MTFR1: variants seen among roughly 807,000 people sequenced by gnomAD.
The protein encoded by MTFR1 is mitochondrial fission regulator 1.
MTFR1 carries 28 observed loss-of-function variants against 38.8 expected under a neutral mutation model. The observed-to-expected ratio is 0.72, with a 90% CI of 0.53 to 0.99. The LOEUF is 0.99. Ranked by LOEUF, MTFR1 falls within the 50% of genes least tolerant of loss-of-function variation. The probability of loss-of-function intolerance (pLI) is 0.00; values close to 1 mark genes in which losing one functional copy is unlikely to be tolerated. For missense variants in MTFR1, 358 were observed against 395.5 expected, an observed-to-expected ratio of 0.91 and a Z score of 0.81; for synonymous variants, 145 against 137.0, an observed-to-expected ratio of 1.06 and a Z score of -0.41.
At chr8:65,710,897 A>ATAGTT (rs1805924390), downstream of MTFR1, among the ~76,000 whole-genome samples, 2 of 152,134 alleles carry the variant, frequency 1.3e-5, no homozygotes, top group East Asian at 1.9e-4. Flanking sequence ...GACCTTAAGA[A>ATAGTT]TAGTTATACC....
chr8:65,667,360 A>G (rs1804413173), intron 1 of MTFR1, among the ~76,000 whole-genome samples: 1 of 150,460 alleles, frequency 6.6e-6, no homozygotes, highest in East Asian at 1.9e-4. Context: ...TTTTTTTTAC[A>G]GCTTTTCAAA....
chr8:65,763,128 A>G (rs1808595750), intron 3 of MTFR1, among the ~76,000 whole-genome samples: 1 of 152,146 alleles, frequency 6.6e-6, no homozygotes, highest in Non-Finnish European at 1.5e-5. Flanking sequence ...TGTTATGTGT[A>G]CAACCAATAT....
intron 1 of MTFR1, among the ~76,000 whole-genome samples, chr8:65,664,762 A>G (rs1300755875): frequency 2.0e-5 from 3 of 150,748 alleles, no homozygotes; most frequent in Non-Finnish European, 3.0e-5. Flanking sequence ...ATACCCGGCT[A>G]TTTTTTGTGG....
the MTFR1 span, among the ~76,000 whole-genome samples, chr8:65,778,120 G>A: frequency 1.3e-5 from 2 of 152,166 alleles, no homozygotes; most frequent in African/African-American, 4.8e-5. Flanking sequence ...GGTTGGGAGA[G>A]GGCTGTGTCT....
intron 1 of MTFR1, among the ~76,000 whole-genome samples, chr8:65,668,534 T>G (rs545393931): frequency 6.7e-6 from 1 of 149,090 alleles, no homozygotes; most frequent in African/African-American, 2.4e-5. Flanking sequence ...TCTTTTTTTT[T>G]TTTTTTTTAA....
In MTFR1 at chr8:65,647,550, TC is replaced by T. The variant is rs888158052; in HGVS notation, c.-81+2768del. Among the ~76,000 whole-genome samples, 57 of 152,336 alleles carry T rather than the reference TC, an allele frequency of 3.7e-4. 1 individual carries two copies. The highest frequency in any genetic ancestry group is 2.7e-3 in the Admixed American group (41 of 15,306). ...GTCTTGAACTCCTGACCTCAGTTGA[TC>T]CAACTGCCTCAGCCTCCTAAAGTGC... On this transcript the variant is annotated intron_variant, in intron 1 of 7. Coordinates refer to ENST00000262146, the MANE Select transcript of MTFR1 (RefSeq NM_014637.4).
intron 3 of MTFR1, chr8:65,723,482 C>G (rs899794669): frequency 1.5e-6 from 2 of 1,336,032 alleles, no homozygotes; most frequent in East Asian, 5.5e-5. Flanking sequence ...ATATATTTCC[C>G]TTCTTGATAA....
At chr8:65,668,522 T>G (rs2129050835) in intron 1 of MTFR1, among the ~76,000 whole-genome samples, 1 of 110,686 alleles carries the variant, frequency 9.0e-6, no homozygotes, top group African/African-American at 2.6e-5. Flanking sequence ...GTTTTTCTTT[T>G]TTCTTTTTTT....
In MTFR1 at chr8:65,749,683, T is replaced by TAC. The variant is rs140283272; in HGVS notation, c.*49-21260_*49-21259dup. ...AAAAGATAAATAGTATGCCCCACTT[T>TAC]ACACATGAGAACACTGTGCCTACAA... On this transcript the variant is annotated intron_variant, in intron 3 of 3. Coordinates refer to the MTFR1 transcript ENST00000521247. Among the ~76,000 whole-genome samples, 169 of 152,344 alleles carry TAC rather than the reference T, an allele frequency of 1.1e-3. 5 individuals carry two copies. The East Asian group carries it at 0.032, about 29-fold the overall frequency.
At chr8:65,756,772 C>T (rs531930274) in intron 3 of MTFR1, among the ~76,000 whole-genome samples, 2 of 151,110 alleles carry the variant, frequency 1.3e-5, no homozygotes, top group South Asian at 2.1e-4. Context: ...ATATCAAATT[C>T]TTTTTTTTTC....
At chr8:65,778,335 GA>G in the MTFR1 span, among the ~76,000 whole-genome samples, 1 of 152,148 alleles carries the variant, frequency 6.6e-6, no homozygotes, top group African/African-American at 2.4e-5. Context: ...GCCATTTATG[GA>G]GAGAGAAAAA....
At chr8:65,670,401 TG>T (rs1171923605) in intron 2 of MTFR1, among the ~76,000 whole-genome samples, 7 of 152,170 alleles carry the variant, frequency 4.6e-5, no homozygotes, top group African/African-American at 1.7e-4. Context: ...ACAACACAGT[TG>T]TTTAAAAGGT....
At chr8:65,754,940 G>A (rs1390683900) in intron 3 of MTFR1, among the ~76,000 whole-genome samples, 1 of 150,466 alleles carries the variant, frequency 6.6e-6, no homozygotes, top group Admixed American at 6.6e-5. Flanking sequence ...ACTCCAGCCT[G>A]GCGACAGAGC....
chr8:65,721,118 T>C (rs1054735304), intron 3 of MTFR1, among the ~76,000 whole-genome samples: 2 of 151,798 alleles, frequency 1.3e-5, no homozygotes, highest in African/African-American at 4.9e-5. Flanking sequence ...AGCCTCTCTC[T>C]TGGAGGGCAG....
downstream of MTFR1, among the ~76,000 whole-genome samples, chr8:65,713,029 A>G (rs1403723517): frequency 6.6e-6 from 1 of 152,254 alleles, no homozygotes; most frequent in African/African-American, 2.4e-5. Context: ...TAGGTGTTGT[A>G]ATACAAGATG....
intron 4 of MTFR1, among the ~76,000 whole-genome samples, chr8:65,694,887 T>C (rs1705536174): frequency 6.6e-6 from 1 of 152,190 alleles, no homozygotes; most frequent in Admixed American, 6.5e-5. Context: ...GGAGACATTG[T>C]GGCATGTTTG....
intron 2 of MTFR1, chr8:65,718,293 A>G (rs1049184288): frequency 2.6e-5 from 4 of 152,330 alleles, no homozygotes; most frequent in Non-Finnish European, 5.9e-5. Flanking sequence ...GCACGCAAAC[A>G]CACATCCGTA....
chr8:65,670,792 C>T (rs1404734365), intron 2 of MTFR1, among the ~76,000 whole-genome samples: 1 of 151,500 alleles, frequency 6.6e-6, no homozygotes, highest in Non-Finnish European at 1.5e-5. Context: ...GCAACCTCTG[C>T]CTCCCAGGTT....
At chr8:65,766,594 T>A (rs80258301) in intron 3 of MTFR1, among the ~76,000 whole-genome samples, 8,063 of 152,254 alleles carry the variant, frequency 0.053, 305 homozygotes, top group Middle Eastern at 0.095. Flanking sequence ...CACTCTATGG[T>A]CAGCCCAGCA....
Sources: gnomAD v4.1 joint callset for allele counts (sites outside exome capture counted in the v4.1 genomes callset) on GRCh38, gnomAD v4.1.1 for gene constraint, MANE v1.5 for transcripts, NCBI Gene and HGNC (gene_info 2026-07-23, HGNC 2026-07-21) for gene names.